The following DCDC1 variants were observed in gnomAD, a reference collection of about 807,000 sequenced individuals.
DCDC1 encodes doublecortin domain containing 1.
DCDC1 carries 200 observed loss-of-function variants against 178.3 expected under a neutral mutation model. The ratio of observed to expected loss-of-function variants is 1.12; its 90% CI spans 1.00 to 1.26. The LOEUF is 1.26. Ranked by LOEUF, DCDC1 falls within the 50% of genes most tolerant of loss-of-function variation. The pLI is 0.00. For synonymous variants in DCDC1, 690 were observed against 604.8 expected (o/e 1.14, Z -2.07); for missense variants, 1,983 against 1,749.2 (o/e 1.13, Z -2.38).
intron 9 of DCDC1, among the ~76,000 whole-genome samples, chr11:31,206,406 T>C (rs1271916846): frequency 1.3e-5 from 2 of 152,250 alleles, no homozygotes; most frequent in Admixed American, 6.5e-5. Context: ...CATGGATTTC[T>C]GTGTTTGTTT....
intron 36 of DCDC1, among the ~76,000 whole-genome samples, chr11:30,887,473 G>A (rs974195378): frequency 1.3e-5 from 2 of 152,138 alleles, no homozygotes; most frequent in African/African-American, 4.8e-5. Context: ...GTAGCCTAAC[G>A]TTAACTTTGA....
intron 4 of DCDC1, 108 bp downstream of exon 4, chr11:31,307,531 T>G (rs763232631): frequency 2.1e-6 from 3 of 1,410,872 alleles, no homozygotes; most frequent in Non-Finnish European, 9.6e-7. Flanking sequence ...ACCCGAGAGA[T>G]GTGTTACATT....
intron 20 of DCDC1, among the ~76,000 whole-genome samples, chr11:31,030,055 G>T (rs929718910): frequency 2.0e-5 from 3 of 150,694 alleles, no homozygotes; most frequent in Admixed American, 1.3e-4. Context: ...GAAATAAAAT[G>T]ATGTGAAATA....
intron 38 of DCDC1, among the ~76,000 whole-genome samples, chr11:30,873,957 G>C (rs1236499363): frequency 2.6e-5 from 4 of 152,102 alleles, no homozygotes; most frequent in African/African-American, 9.7e-5. Context: ...GCCTTCCAAT[G>C]TCTGGGTCCT....
chr11:31,014,685 G>C (rs531209716), intron 20 of DCDC1, among the ~76,000 whole-genome samples: 8 of 152,036 alleles, frequency 5.3e-5, no homozygotes, highest in Non-Finnish European at 1.2e-4. Context: ...TTTATTCCAT[G>C]GTGTTTACCA....
At chr11:31,330,718 T>A (rs1949930814) in intron 2 of DCDC1, among the ~76,000 whole-genome samples, 1 of 152,138 alleles carries the variant, frequency 6.6e-6, no homozygotes, top group Non-Finnish European at 1.5e-5. Context: ...AGATGTACAG[T>A]GTTACTTCTG....
rs757840751 is a variant in DCDC1 at position 31,103,766 on chromosome 11, A to C, written c.1755T>G (p.Ser585=). The part of the protein sequence containing the change: ...IWVSYGRAYR[S]PLNLALGLTF... ...TCAAACCCAAAGCAAGATTTAGTGG[A>C]GATCTGAAAAACGGATAAAACATCA... The change falls in exon 14 of 39, where the codon TCT becomes TCG. Residue 585 remains serine, a synonymous_variant. Transcript: ENST00000684477. 18 of 760,282 alleles carry C rather than the reference A, an allele frequency of 2.4e-5. No individual in the cohort carries two copies. The highest frequency in any genetic ancestry group is 4.3e-5 in the Non-Finnish European group (18 of 416,416). The allele number at this position is 760,282 out of a possible 1,614,324, so 47.1% of individuals were successfully genotyped here.
At position 31,265,582 on chromosome 11, in the gene DCDC1, T is replaced by C. The variant is rs761729640; in HGVS notation, c.979A>G (p.Ile327Val). ...GCTGGTAAATTTAGATTCATTCTTA[T>C]TGTACAAGTATCTAAAACCTGTGCA... is the stretch of plus-strand genomic sequence containing the variant. ...TMKKVLDTCT[I>V]RMNLNLPARY... is the part of the protein sequence containing the mutation. Residue 327 changes from isoleucine (I) to valine (V), a missense_variant, in exon 8 of 39, where the codon ATA becomes GTA. Ile to Val is a conservative substitution (Grantham distance 29). Transcript: ENST00000684477. The C allele has an allele frequency of 1.4e-6, 2 of 1,420,670 alleles. No individual in the cohort carries two copies. The highest frequency in any genetic ancestry group is 5.4e-5 in the East Asian group (2 of 37,034). The allele number at this position is 1,420,670 out of a possible 1,614,324, so 88.0% of individuals were successfully genotyped here.
At chr11:30,955,339 C>T (rs1251875188) in intron 20 of DCDC1, among the ~76,000 whole-genome samples, 2 of 152,198 alleles carry the variant, frequency 1.3e-5, no homozygotes, top group East Asian at 3.9e-4. Flanking sequence ...GCATTTATAT[C>T]AGTTCTCCTA....
intron 20 of DCDC1, among the ~76,000 whole-genome samples, chr11:31,009,472 G>GTA (rs1265883776): frequency 6.7e-6 from 1 of 149,884 alleles, no homozygotes; most frequent in Non-Finnish European, 1.5e-5. Context: ...GTGTGTGTGT[G>GTA]TAAAATAAGG....
At chr11:31,056,486 G>A (rs971443791) in intron 20 of DCDC1, among the ~76,000 whole-genome samples, 3 of 151,818 alleles carry the variant, frequency 2.0e-5, no homozygotes, top group Non-Finnish European at 4.4e-5. Flanking sequence ...AAAGTAAAAG[G>A]ACACCAAAAT....
chr11:31,191,798 T>C (rs1970163859), intron 9 of DCDC1, among the ~76,000 whole-genome samples: 1 of 152,106 alleles, frequency 6.6e-6, no homozygotes, highest in African/African-American at 2.4e-5. Context: ...GAATTCACCA[T>C]ATTCATTTCC....
intron 3 of DCDC1, among the ~76,000 whole-genome samples, chr11:31,322,590 A>G (rs1344165407): frequency 6.6e-6 from 1 of 152,214 alleles, no homozygotes; most frequent in Non-Finnish European, 1.5e-5. Context: ...AATGAAAAAG[A>G]GATACAAGTG....
chr11:31,246,066 A>G (rs918477414), intron 8 of DCDC1, among the ~76,000 whole-genome samples: 3 of 151,910 alleles, frequency 2.0e-5, no homozygotes, highest in Non-Finnish European at 1.5e-5. Context: ...CTCCAAAAGC[A>G]ACATCCTACA....
intron 36 of DCDC1, among the ~76,000 whole-genome samples, chr11:30,885,368 T>C (rs1371988198): frequency 1.3e-5 from 2 of 151,992 alleles, no homozygotes; most frequent in African/African-American, 4.8e-5. Context: ...TGAATAAACT[T>C]ATAAAATGTA....
chr11:31,082,761 T>C (rs1957263227), intron 17 of DCDC1, among the ~76,000 whole-genome samples: 1 of 152,154 alleles, frequency 6.6e-6, no homozygotes, highest in Admixed American at 6.5e-5. Flanking sequence ...TCCTGGTAAC[T>C]ATATGGAGGG....
chr11:31,171,634 GATC>G (rs1448168994), intron 9 of DCDC1, among the ~76,000 whole-genome samples: 4 of 152,070 alleles, frequency 2.6e-5, no homozygotes, highest in African/African-American at 7.2e-5. Context: ...TAGAAGAGAC[GATC>G]ATTATTTCCT....
At chr11:31,285,074 T>G (rs1353230350) in intron 7 of DCDC1, among the ~76,000 whole-genome samples, 1 of 152,018 alleles carries the variant, frequency 6.6e-6, no homozygotes, top group African/African-American at 2.4e-5. Flanking sequence ...TCTTTTTGCT[T>G]TTTTTAGAAT....
chr11:30,888,094 AAGAAAAAGAAAGAAAGAAAGAAAGAAAG>A (rs1943393875), intron 36 of DCDC1, among the ~76,000 whole-genome samples: 1 of 118,890 alleles, frequency 8.4e-6, no homozygotes, highest in African/African-American at 3.3e-5. Context: ...GAAAGAAAGA[AAGAAAAAGAAAGAAAGAAAGAAAGAAAG>A]AAAGAAAGAA....
Sources: allele counts gnomAD v4.1 joint callset (sites outside exome capture counted in the v4.1 genomes callset), GRCh38; gene constraint gnomAD v4.1.1; transcripts MANE v1.5; gene names NCBI Gene and HGNC (gene_info 2026-07-23, HGNC 2026-07-21).